The following PID1 variants were observed in gnomAD, a reference collection of about 807,000 sequenced individuals.
PID1 encodes the protein PTB-containing, cubilin and LRP1-interacting protein.
In PID1, 10 loss-of-function variants were observed where a neutral mutation model predicts 19.1. That is an observed-to-expected ratio of 0.52 (90% CI 0.32 to 0.89). The LOEUF is 0.89. Among genes scored for constraint, PID1 ranks in the 40% least tolerant of loss-of-function variants. The pLI is 0.03. For synonymous variants in PID1, 130 were observed against 116.0 expected, an observed-to-expected ratio of 1.12 and a Z score of -0.78; for missense variants, 248 against 285.3, an observed-to-expected ratio of 0.87 and a Z score of 0.94.
At chr2:229,076,181 T>C (rs1374913038) in intron 2 of PID1, among the ~76,000 whole-genome samples, 3 of 152,230 alleles carry the variant, frequency 2.0e-5, no homozygotes, top group Admixed American at 6.5e-5. Context: ...GTTTTCAAGA[T>C]GATTCTTAAG....
chr2:229,118,931 T>C (rs1358241720), intron 2 of PID1, among the ~76,000 whole-genome samples: 1 of 152,228 alleles, frequency 6.6e-6, no homozygotes, highest in Non-Finnish European at 1.5e-5. Flanking sequence ...CTCAGGTCTT[T>C]AGCCAATTGT....
chr2:229,115,375 T>C (rs755566514), intron 2 of PID1, among the ~76,000 whole-genome samples: 12 of 125,092 alleles, frequency 9.6e-5, no homozygotes, highest in Middle Eastern at 4.9e-3. Flanking sequence ...CATGGTGGCA[T>C]GCACCTATAG....
rs1690667946 is a variant in PID1 at position 229,169,552 on chromosome 2, T to C, written c.31-13588A>G. Among the ~76,000 whole-genome samples, 8 of 152,186 alleles carry C rather than the reference T, an allele frequency of 5.3e-5. No individual in the cohort carries two copies. The South Asian group carries it at 1.7e-3, about 32-fold the overall frequency. ...TTAATACATTGAGGAATGCTATATG[T>C]TTGGCAGACACAAATAAAATGTTCT... On this transcript the variant is annotated intron_variant, in intron 1 of 2. Transcript: ENST00000392055.
intron 1 of PID1, among the ~76,000 whole-genome samples, chr2:229,172,560 T>A (rs1383605445): frequency 6.6e-6 from 1 of 152,124 alleles, no homozygotes; most frequent in Non-Finnish European, 1.5e-5. Flanking sequence ...TGCACGTCTA[T>A]CTCTGTGTCT....
chr2:229,031,603 AGAAAG>A (rs1375324931), intron 2 of PID1, among the ~76,000 whole-genome samples: 1 of 152,160 alleles, frequency 6.6e-6, no homozygotes, highest in African/African-American at 2.4e-5. Flanking sequence ...GGAAAAGAAA[AGAAAG>A]GAAAAGAGAA....
At chr2:229,226,914 T>G (rs1473376763) in intron 1 of PID1, among the ~76,000 whole-genome samples, 1 of 151,928 alleles carries the variant, frequency 6.6e-6, no homozygotes, top group Admixed American at 6.6e-5. Context: ...TGAAAGAAAA[T>G]GGGGTGTTTA....
chr2:229,068,399 A>G lies in PID1; in HGVS notation c.178-42291T>C, dbSNP rs79997829. On this transcript the variant is annotated intron_variant, in intron 2 of 2. Coordinates refer to ENST00000392055, the MANE Select transcript of PID1 (RefSeq NM_001100818.2). ...TTGGCAAAACCCAAAATGTCTTACA[A>G]AAGTAGACTGTCCGGGTGTAACGAA... Among the ~76,000 whole-genome samples, 804 of 152,290 alleles carry G rather than the reference A, an allele frequency of 5.3e-3. 8 individuals carry two copies. Among genetic ancestry groups the G allele is most frequent in the African/African-American group, 0.014 (567 of 41,548 alleles).
chr2:229,090,091 A>G (rs1383788535), intron 2 of PID1, among the ~76,000 whole-genome samples: 1 of 152,154 alleles, frequency 6.6e-6, no homozygotes, highest in African/African-American at 2.4e-5. Context: ...CTCAAACTCA[A>G]TCTAGATCCT....
At chr2:229,094,956 C>T (rs976823561) in intron 2 of PID1, among the ~76,000 whole-genome samples, 1 of 152,140 alleles carries the variant, frequency 6.6e-6, no homozygotes, top group Non-Finnish European at 1.5e-5. Context: ...ACACACGATA[C>T]GTTACATGTA....
At chr2:229,159,394 T>A (rs934338184) in intron 1 of PID1, among the ~76,000 whole-genome samples, 2 of 152,178 alleles carry the variant, frequency 1.3e-5, no homozygotes, top group Non-Finnish European at 2.9e-5. Context: ...CCATAATCAG[T>A]TGATTTGAAG....
intron 1 of PID1, among the ~76,000 whole-genome samples, chr2:229,170,959 G>A (rs1393276066): frequency 6.6e-6 from 1 of 152,188 alleles, no homozygotes; most frequent in Admixed American, 6.6e-5. Flanking sequence ...TTAGAAACCA[G>A]ACCAAATGTT....
intron 2 of PID1, among the ~76,000 whole-genome samples, chr2:229,099,565 T>C (rs1367238691): frequency 1.3e-5 from 2 of 152,128 alleles, no homozygotes; most frequent in Non-Finnish European, 2.9e-5. Context: ...TCATGTCACA[T>C]GTAAGTCCCA....
intron 2 of PID1, among the ~76,000 whole-genome samples, chr2:229,144,720 T>C (rs1353667652): frequency 1.3e-5 from 2 of 152,096 alleles, no homozygotes; most frequent in African/African-American, 4.8e-5. Context: ...TGTTTGGATA[T>C]GTAAAGGTAA....
chr2:229,112,659 T>C (rs1695321537), intron 2 of PID1, among the ~76,000 whole-genome samples: 1 of 152,084 alleles, frequency 6.6e-6, no homozygotes, highest in Non-Finnish European at 1.5e-5. Context: ...CTAATTTTTT[T>C]ATTTTAGTAG....
chr2:229,076,967 C>T (rs1389202405), intron 2 of PID1, among the ~76,000 whole-genome samples: 1 of 152,184 alleles, frequency 6.6e-6, no homozygotes, highest in Non-Finnish European at 1.5e-5. Context: ...TGAGGAATCA[C>T]CACACTGTCT....
intron 2 of PID1, among the ~76,000 whole-genome samples, chr2:229,137,437 T>C (rs1689878972): frequency 6.6e-6 from 1 of 152,222 alleles, no homozygotes; most frequent in Non-Finnish European, 1.5e-5. Context: ...ACAGTAAAGA[T>C]GACATTTATC....
chr2:229,090,001 C>A (rs1345790570), intron 2 of PID1, among the ~76,000 whole-genome samples: 2 of 152,136 alleles, frequency 1.3e-5, no homozygotes, highest in Non-Finnish European at 2.9e-5. Context: ...AAGTTACGTA[C>A]CCCAAATAAG....
At chr2:229,174,041 C>T (rs1463203742) in intron 1 of PID1, among the ~76,000 whole-genome samples, 9 of 152,176 alleles carry the variant, frequency 5.9e-5, no homozygotes, top group Non-Finnish European at 1.5e-5. Context: ...ACTTCCCTGA[C>T]CTCCATCAGT....
At chr2:229,042,219 A>G (rs1693785992) in intron 2 of PID1, among the ~76,000 whole-genome samples, 1 of 152,220 alleles carries the variant, frequency 6.6e-6, no homozygotes, top group South Asian at 2.1e-4. Flanking sequence ...TATAAATGAT[A>G]AAGTAAATAA....
Sources: gnomAD v4.1 joint callset for allele counts (sites outside exome capture counted in the v4.1 genomes callset) on GRCh38, gnomAD v4.1.1 for gene constraint, MANE v1.5 for transcripts, NCBI Gene and HGNC (gene_info 2026-07-23, HGNC 2026-07-21) for gene names.